SLC15A5: variants seen among roughly 807,000 people sequenced by gnomAD.
SLC15A5 encodes the protein solute carrier family 15 member 5, also known as Peptide/histidine transporter ENSP00000340402.
Under a neutral mutation model 56.1 loss-of-function variants are expected in SLC15A5, and 58 were observed. The ratio of observed to expected loss-of-function variants is 1.03; its 90% confidence interval spans 0.84 to 1.29. SLC15A5 has a LOEUF of 1.29. Ranked by LOEUF, SLC15A5 falls within the 50% of genes most tolerant of loss-of-function variation. The pLI, the probability that SLC15A5 is intolerant of heterozygous loss-of-function variation, is 0.00. For synonymous variants in SLC15A5, 264 were observed against 250.5 expected (o/e 1.05, Z -0.51); for missense variants, 681 against 672.1 (o/e 1.01, Z -0.15).
chr12:16,190,522 A>G (rs1176621482), intron 8 of SLC15A5, among the ~76,000 whole-genome samples: 1 of 152,136 alleles, frequency 6.6e-6, no homozygotes, highest in East Asian at 1.9e-4. Flanking sequence ...CAAAATAGGA[A>G]CTTCAAATTG....
At chr12:16,254,943 A>G (rs1864554465) in intron 3 of SLC15A5, among the ~76,000 whole-genome samples, 1 of 152,156 alleles carries the variant, frequency 6.6e-6, no homozygotes, top group South Asian at 2.1e-4. Flanking sequence ...GGATGACTAT[A>G]GTTAACAATA....
intron 7 of SLC15A5, among the ~76,000 whole-genome samples, chr12:16,197,932 G>A (rs1208762205): frequency 6.6e-6 from 1 of 152,078 alleles, no homozygotes; most frequent in Non-Finnish European, 1.5e-5. Context: ...GAAATCAGGA[G>A]CATCCTTGCA....
Position 16,188,536 on chromosome 12 carries a change from A to C in SLC15A5, c.*1132T>G, listed in dbSNP as rs557813522. ...CAGACCTAAAATATTTTATGTATAC[A>C]CAAGGGAGGTGCATAATTGCAGAAT... On this transcript the variant is annotated 3_prime_UTR_variant, in exon 9 of 9. Coordinates refer to ENST00000344941, the MANE Select transcript of SLC15A5 (RefSeq NM_001170798.1). 1 of 152,366 alleles carries C rather than the reference A, an allele frequency of 6.6e-6. No individual in the cohort carries two copies. Among genetic ancestry groups the C allele is most frequent in the East Asian group, 1.9e-4 (1 of 5,192 alleles). The allele number at this position is 152,366 out of a possible 1,614,324, so 9.4% of individuals were successfully genotyped here.
chr12:16,263,014 A>G (rs1293737469), intron 2 of SLC15A5, among the ~76,000 whole-genome samples: 1 of 152,136 alleles, frequency 6.6e-6, no homozygotes, highest in Admixed American at 6.5e-5. Flanking sequence ...TAATACAGTA[A>G]ATTGGTACCA....
At chr12:16,218,112 A>G (rs866046687) in intron 6 of SLC15A5, among the ~76,000 whole-genome samples, 23 of 152,154 alleles carry the variant, frequency 1.5e-4, no homozygotes, top group Non-Finnish European at 1.5e-5. Flanking sequence ...AGGAAAAAAG[A>G]TGTGAATGAG....
rs1021106898 is a variant in SLC15A5, at chr12:16,224,591, G to T, written c.1174C>A (p.Leu392Ile). 3.3e-6 allele frequency: 5 copies of T among 1,527,738 alleles called. No individual in the cohort carries two copies. The African/African-American group carries it at 6.9e-5, about 21-fold the overall frequency. The allele number at this position is 1,527,738 out of a possible 1,614,324, so 94.6% of individuals were successfully genotyped here. The change falls in exon 6 of 9, where the codon CTT becomes ATT. Residue 392 changes from leucine to isoleucine, a missense_variant. Physicochemically the swap from Leu to Ile is conservative, Grantham distance 5. Coordinates refer to ENST00000344941, the MANE Select transcript of SLC15A5 (RefSeq NM_001170798.1). ...FLSTCIIAGN[L>I]FAALSVMIAG... is the part of the protein sequence containing the mutation. Reference sequence around the variant, plus strand: ...ATCATCACAGACAATGCAGCAAAAAGATTTCCAGCAACTGAAGGAAAATAA... The same window carrying T: ...ATCATCACAGACAATGCAGCAAAAATATTTCCAGCAACTGAAGGAAAATAA...
intron 1 of SLC15A5, among the ~76,000 whole-genome samples, chr12:16,274,748 A>G (rs1864799101): frequency 6.6e-6 from 1 of 152,120 alleles, no homozygotes; most frequent in Non-Finnish European, 1.5e-5. Context: ...GGACAGGACA[A>G]CTATTTCATG....
chr12:16,192,939 T>G (rs2136236777), intron 8 of SLC15A5, among the ~76,000 whole-genome samples: 1 of 152,258 alleles, frequency 6.6e-6, no homozygotes, highest in South Asian at 2.1e-4. Context: ...AACAGCTTGC[T>G]GAAGTTTGTA....
chr12:16,241,832 A>C (rs567859816), intron 4 of SLC15A5, among the ~76,000 whole-genome samples: 9 of 44,924 alleles, frequency 2.0e-4, no homozygotes, highest in Non-Finnish European at 4.2e-4. Flanking sequence ...GAAATATGTT[A>C]ACTTAATAAT....
intron 8 of SLC15A5, among the ~76,000 whole-genome samples, chr12:16,192,224 C>T (rs10219733): frequency 0.48 from 73,242 of 151,926 alleles, 18,135 homozygotes; most frequent in South Asian, 0.72. Flanking sequence ...ACACAGGCTG[C>T]TCAACACATA....
At chr12:16,244,846 C>A in intron 3 of SLC15A5, 46 bp from the exon 4 acceptor site, 1 of 1,502,726 alleles carries the variant, frequency 6.7e-7, no homozygotes, top group South Asian at 1.2e-5. Context: ...GAATTGTTCT[C>A]CAGTTTTTCA....
intron 6 of SLC15A5, among the ~76,000 whole-genome samples, chr12:16,220,236 A>T (rs1864172478): frequency 6.6e-6 from 1 of 152,166 alleles, no homozygotes; most frequent in African/African-American, 2.4e-5. Context: ...TTATCAGACT[A>T]TATCATCTAC....
At position 16,193,213 on chromosome 12, in the gene SLC15A5, A is replaced by G. The variant is rs191307630; in HGVS notation, c.1592+1132T>C. Among the ~76,000 whole-genome samples, 8 of 152,190 alleles carry G rather than the reference A, an allele frequency of 5.3e-5. No homozygotes were observed. In the East Asian group the frequency reaches 1.5e-3, roughly 29 times the overall value. On this transcript the variant is annotated intron_variant, in intron 8 of 8. Transcript: ENST00000344941. ...TTTCTGGTTCTCTAATTTGATTTTC[A>G]ATCTAAGAATGAGATCAGCATTTAG...
intron 2 of SLC15A5, among the ~76,000 whole-genome samples, chr12:16,270,316 A>G (rs916751615): frequency 1.3e-5 from 2 of 152,232 alleles, no homozygotes; most frequent in African/African-American, 2.4e-5. Context: ...TGCTGCAAAT[A>G]GGACTGAATA....
chr12:16,248,447 A>G (rs1301882051), intron 3 of SLC15A5, among the ~76,000 whole-genome samples: 1 of 152,090 alleles, frequency 6.6e-6, no homozygotes, highest in Non-Finnish European at 1.5e-5. Context: ...GAGGTAGACA[A>G]TGTGCTAGAT....
intron 5 of SLC15A5, among the ~76,000 whole-genome samples, chr12:16,236,451 A>G (rs1485323254): frequency 6.6e-6 from 1 of 152,156 alleles, no homozygotes; most frequent in Non-Finnish European, 1.5e-5. Flanking sequence ...TTTCTTTTTA[A>G]TAGTTGGAGA....
Position 16,244,677 on chromosome 12 carries a change from C to A in SLC15A5, c.878G>T (p.Gly293Val), listed in dbSNP as rs1237582325. ...TTCTACATGGAGCTCACTGTAGCAG[C>A]CACCATTTTTTTCTTTGGCATGGTC... ...QLDHAKEKNG[G>V]CYSELHVEDT... The change falls in exon 4 of 9, where the codon GGC (glycine) becomes GTC (valine). Residue 293 changes from glycine to valine, a missense_variant. By Grantham distance (109) the Gly-to-Val change is moderately radical. Transcript: ENST00000344941. The A allele has an allele frequency of 1.3e-6, 2 of 1,537,526 alleles. No individual in the cohort carries two copies. The highest frequency in any genetic ancestry group is 2.4e-5 in the South Asian group (2 of 84,054).
chr12:16,194,564 G>T, intron 7 of SLC15A5, 111 bp from the exon 8 acceptor site: 2 of 609,512 alleles, frequency 3.3e-6, no homozygotes, highest in African/African-American at 1.9e-5. Flanking sequence ...TATCCACAAA[G>T]CAAAAAAGCT....
rs60267850 is a variant in SLC15A5 at position 16,199,458 on chromosome 12, T to A, written c.1484-5005A>T. Among the ~76,000 whole-genome samples the A allele has an allele frequency of 5.5e-3, 833 of 152,094 alleles. 9 individuals are homozygous for A. The highest frequency in any genetic ancestry group is 0.019 in the African/African-American group (781 of 41,492). On this transcript the variant is annotated intron_variant, in intron 7 of 8. Transcript: ENST00000344941. ...AGGTCAGTTCTAGAGAAAATAGTAA[T>A]AGCTTTTGCTTTAATGCATAATTAC...
Sources: gnomAD v4.1 joint callset for allele counts (sites outside exome capture counted in the v4.1 genomes callset) on GRCh38, gnomAD v4.1.1 for gene constraint, MANE v1.5 for transcripts, NCBI Gene and HGNC (gene_info 2026-07-23, HGNC 2026-07-21) for gene names.